Variants in ARHGEF7 observed in about 807,000 individuals in gnomAD.
ARHGEF7 encodes Rho guanine nucleotide exchange factor 7.
Under a neutral mutation model 109.8 loss-of-function variants are expected in ARHGEF7, and 33 were observed. That is an observed-to-expected ratio of 0.30 (90% CI 0.23 to 0.40). The LOEUF is 0.40. Among genes scored for constraint, ARHGEF7 ranks in the 10% least tolerant of loss-of-function variants. The probability of loss-of-function intolerance (pLI) is 1.00; values close to 1 mark genes in which losing one functional copy is unlikely to be tolerated. For synonymous variants in ARHGEF7, 458 were observed against 424.6 expected (o/e 1.08, Z -0.97); for missense variants, 938 against 1,098.5 (o/e 0.85, Z 2.07).
chr13:111,169,567 A>G (rs1461389782), intron 2 of ARHGEF7, among the ~76,000 whole-genome samples: 1 of 152,036 alleles, frequency 6.6e-6, no homozygotes, highest in Admixed American at 6.6e-5. Context: ...ACCAGGCCCC[A>G]CCTCCAACAT....
chr13:111,199,406 C>T (rs1034098681), intron 2 of ARHGEF7, among the ~76,000 whole-genome samples: 1 of 152,146 alleles, frequency 6.6e-6, no homozygotes, highest in African/African-American at 2.4e-5. Flanking sequence ...TCCTGGAAAC[C>T]ACTGTGGATA....
intron 1 of ARHGEF7, among the ~76,000 whole-genome samples, chr13:111,123,542 A>G (rs557741985): frequency 3.9e-5 from 6 of 152,280 alleles, no homozygotes; most frequent in Admixed American, 3.3e-4. Flanking sequence ...GATATATGTA[A>G]ATACAGTCCA....
rs880248 is a variant in ARHGEF7, at chr13:111,247,958, C to T, written c.950+3664C>T. 3.0e-3 allele frequency among the ~76,000 whole-genome samples: 460 copies of T among 152,294 alleles called. 1 individual carries two copies. Among genetic ancestry groups the T allele is most frequent in the South Asian group, 0.011 (53 of 4,822 alleles). ...TCCATTCCCTGTGCGTTCTGAGGCC[C>T]ATGTTTGTTTTCTCAGTATTTTTGC... On this transcript the variant is annotated intron_variant, in intron 8 of 21. Transcript: ENST00000646102.
intron 1 of ARHGEF7, among the ~76,000 whole-genome samples, chr13:111,117,384 C>T (rs922520736): frequency 6.6e-6 from 1 of 152,178 alleles, no homozygotes; most frequent in Admixed American, 6.5e-5. Context: ...CAAGTTGAAA[C>T]AACTCAACAT....
intron 5 of ARHGEF7, among the ~76,000 whole-genome samples, chr13:111,221,327 ATGTC>A (rs1240898535): frequency 0.015 from 271 of 18,026 alleles, 123 homozygotes; most frequent in Non-Finnish European, 0.027. Context: ...ATAGATATAT[ATGTC>A]TATATATATC....
chr13:111,205,466 A>G (rs1234318785), intron 3 of ARHGEF7, 93 bp downstream of exon 3: 7 of 787,286 alleles, frequency 8.9e-6, no homozygotes, highest in Non-Finnish European at 1.4e-5. Flanking sequence ...GGGGAGCATT[A>G]CTGAATTTAA....
chr13:111,243,403 C>T (rs924496269), intron 6 of ARHGEF7, among the ~76,000 whole-genome samples: 3 of 152,178 alleles, frequency 2.0e-5, no homozygotes, highest in Non-Finnish European at 4.4e-5. Context: ...TGTCCACGCC[C>T]CCATCCTACC....
At chr13:111,292,035 C>A in intron 18 of ARHGEF7, 83 bp from the exon 19 acceptor site, 1 of 1,179,864 alleles carries the variant, frequency 8.5e-7, no homozygotes, top group Non-Finnish European at 1.2e-6. Flanking sequence ...TGCTTTTGTT[C>A]CATGTTTTGG....
At chr13:111,293,069 G>A in intron 19 of ARHGEF7, 14 of 985,396 alleles carry the variant, frequency 1.4e-5, no homozygotes, top group Non-Finnish European at 1.6e-5. Flanking sequence ...TCCCTGAATT[G>A]CAGTGATTTC....
At chr13:111,162,729 G>A (rs2076840621) in intron 2 of ARHGEF7, among the ~76,000 whole-genome samples, 1 of 152,144 alleles carries the variant, frequency 6.6e-6, no homozygotes, top group African/African-American at 2.4e-5. Context: ...TCTGCCTAAT[G>A]CTCAGTTCTC....
intron 16 of ARHGEF7, among the ~76,000 whole-genome samples, chr13:111,285,853 G>A (rs2092997270): frequency 6.6e-6 from 1 of 151,936 alleles, no homozygotes; most frequent in Admixed American, 6.5e-5. Context: ...GCGCCAGCCT[G>A]CCTCCTGGTG....
chr13:111,220,626 T>C (rs746653790), intron 5 of ARHGEF7, among the ~76,000 whole-genome samples: 2 of 152,168 alleles, frequency 1.3e-5, no homozygotes, highest in African/African-American at 4.8e-5. Flanking sequence ...TTACCCCTGA[T>C]AGCCCACAGG....
At chr13:111,295,803 C>T (rs958966858) in intron 19 of ARHGEF7, among the ~76,000 whole-genome samples, 3 of 152,198 alleles carry the variant, frequency 2.0e-5, no homozygotes, top group Non-Finnish European at 4.4e-5. Flanking sequence ...TATTTTGCTC[C>T]ACTGTGAATG....
At chr13:111,221,573 A>ATATAT (rs2084362500) in intron 5 of ARHGEF7, among the ~76,000 whole-genome samples, 3 of 83,112 alleles carry the variant, frequency 3.6e-5, no homozygotes, top group Non-Finnish European at 7.4e-5. Flanking sequence ...ATATATAGAT[A>ATATAT]CATATCTATA....
At chr13:111,138,432 G>A (rs1024336903) in intron 1 of ARHGEF7, among the ~76,000 whole-genome samples, 1 of 151,902 alleles carries the variant, frequency 6.6e-6, no homozygotes, top group African/African-American at 2.4e-5. Flanking sequence ...AGTGAGCCGA[G>A]ATCACACCAC....
chr13:111,197,362 A>C (rs1418481120), intron 2 of ARHGEF7, among the ~76,000 whole-genome samples: 1 of 152,160 alleles, frequency 6.6e-6, no homozygotes, highest in Non-Finnish European at 1.5e-5. Context: ...GGTTGGATTT[A>C]GTGGCCCTTA....
rs1415146886 is a variant in ARHGEF7 at position 111,115,324 on chromosome 13, C to G, written c.-203C>G. On this transcript the variant is annotated 5_prime_UTR_variant, in exon 1 of 22. Coordinates refer to ENST00000646102, the MANE Select transcript of ARHGEF7 (RefSeq NM_001354046.2). ...GGCGGGCGCCCGCAGGTTCCCGAGC[C>G]GCTCCTGAGAAGGCGCCTGACAGCG... The G allele has an allele frequency of 5.3e-6, 1 of 188,106 alleles. No individual in the cohort carries two copies. Among genetic ancestry groups the G allele is most frequent in the Non-Finnish European group, 9.6e-6 (1 of 103,996 alleles). The allele number at this position is 188,106 out of a possible 1,614,324, so 11.7% of individuals were successfully genotyped here.
chr13:111,225,490 A>ATTGCACT (rs1350406124), intron 5 of ARHGEF7, among the ~76,000 whole-genome samples: 3 of 147,996 alleles, frequency 2.0e-5, no homozygotes, highest in Non-Finnish European at 4.5e-5. Context: ...ATCTCACTTT[A>ATTGCACT]TTGCACTTTG....
chr13:111,141,403 T>C (rs2153358139), intron 1 of ARHGEF7, among the ~76,000 whole-genome samples: 1 of 152,146 alleles, frequency 6.6e-6, no homozygotes, highest in South Asian at 2.1e-4. Flanking sequence ...ATAAGAATAT[T>C]GCAAAGGCTA....
Sources: gnomAD v4.1 joint callset for allele counts (sites outside exome capture counted in the v4.1 genomes callset) on GRCh38, gnomAD v4.1.1 for gene constraint, MANE v1.5 for transcripts, NCBI Gene and HGNC (gene_info 2026-07-23, HGNC 2026-07-21) for gene names.